SCNN1G: variants seen among roughly 807,000 people sequenced by gnomAD.
SCNN1G encodes the protein sodium channel epithelial 1 subunit gamma, also known as epithelial sodium channel subunit gamma.
A neutral mutation model predicts 64.6 loss-of-function variants in SCNN1G; 27 were observed. That is an observed-to-expected ratio of 0.42 (90% CI 0.31 to 0.58). The LOEUF (loss-of-function observed/expected upper bound fraction) is 0.58, where lower values mean the gene tolerates loss of function less well. Among genes scored for constraint, SCNN1G ranks in the 20% least tolerant of loss-of-function variants. The probability of loss-of-function intolerance (pLI) is 0.18; values close to 1 mark genes in which losing one functional copy is unlikely to be tolerated. For missense variants in SCNN1G, 743 were observed against 823.4 expected (o/e 0.90, Z 1.19); for synonymous variants, 330 against 314.2 (o/e 1.05, Z -0.53).
chr16:23,212,595 G>A (rs562199329), intron 8 of SCNN1G, 83 bp from the exon 9 acceptor site: 29 of 996,324 alleles, frequency 2.9e-5, no homozygotes, highest in African/African-American at 2.2e-4. Flanking sequence ...ATGAGACTGC[G>A]GGGCTGTCCT....
rs753122040 is a variant in SCNN1G, at chr16:23,186,635, A to C, written c.317+47A>C. 127 of 1,530,990 alleles carry C rather than the reference A, an allele frequency of 8.3e-5. No individual in the cohort carries two copies. In the Middle Eastern group the frequency reaches 1.0e-3, roughly 12 times the overall value. 94.8% of individuals were successfully genotyped at this position (1,530,990 alleles called of 1,614,324 possible). A position where few individuals can be genotyped will look rare whatever the true frequency, so the allele number is the denominator to read the frequency against. ...ACGCGAGTAGGGAGCCAGGCCCCCC[A>C]CAGAGGCCAAAGCCCCTCCCGAAAG... On this transcript the variant is annotated intron_variant, in intron 2 of 12. Transcript: ENST00000300061.
Position 23,186,231 on chromosome 16 carries a change from G to T in SCNN1G, c.-41G>T. ...CTTCTCTTCTTTGCCCCTCCAGCAC[G>T]CCCGTCCTCAGAGTCCCGTCCTCAA... is the stretch of plus-strand genomic sequence containing the variant. On this transcript the variant is annotated 5_prime_UTR_variant, in exon 2 of 13. Transcript: ENST00000300061. The T allele has an allele frequency of 6.2e-7, 1 of 1,604,612 alleles. No individual in the cohort carries two copies. The highest frequency in any genetic ancestry group is 8.5e-7 in the Non-Finnish European group (1 of 1,171,572).
chr16:23,199,070 A>G (rs1223053092), intron 6 of SCNN1G, among the ~76,000 whole-genome samples: 1 of 151,914 alleles, frequency 6.6e-6, no homozygotes, highest in African/African-American at 2.4e-5. Flanking sequence ...CACACCAACC[A>G]TACCAAGGAG....
Position 23,216,550 on chromosome 16 carries a change from A to G in SCNN1G, c.*1081A>G, listed in dbSNP as rs1444655297. Reference sequence around the variant, plus strand: ...GTTAGGTACTGTTTTAAGCACCTAGATAGGTTAGCATAGGGGACTGCAAAT... The same window carrying G: ...GTTAGGTACTGTTTTAAGCACCTAGGTAGGTTAGCATAGGGGACTGCAAAT... On this transcript the variant is annotated 3_prime_UTR_variant, in exon 13 of 13. Coordinates refer to ENST00000300061, the MANE Select transcript of SCNN1G (RefSeq NM_001039.4). 2 of 152,336 alleles carry G rather than the reference A, an allele frequency of 1.3e-5. No individual in the cohort carries two copies. The highest frequency in any genetic ancestry group is 2.9e-5 in the Non-Finnish European group (2 of 68,038). 9.4% of individuals were successfully genotyped at this position (152,336 alleles called of 1,614,324 possible).
At chr16:23,211,433 G>T (rs1423355729) in intron 7 of SCNN1G, among the ~76,000 whole-genome samples, 1 of 152,152 alleles carries the variant, frequency 6.6e-6, no homozygotes, top group Non-Finnish European at 1.5e-5. Context: ...ACTTATCTTT[G>T]TGTTGGCACC....
chr16:23,188,350 A>G (rs946988409), intron 2 of SCNN1G, among the ~76,000 whole-genome samples: 1 of 152,086 alleles, frequency 6.6e-6, no homozygotes, highest in Non-Finnish European at 1.5e-5. Flanking sequence ...CTCTAAAAAT[A>G]TTTTATTTTA....
chr16:23,194,324 T>C lies in SCNN1G; in HGVS notation c.913+50T>C, dbSNP rs13306665. On this transcript the variant is annotated intron_variant, in intron 5 of 12. Coordinates refer to ENST00000300061, the MANE Select transcript of SCNN1G (RefSeq NM_001039.4). ...TCTTGAGGCCCTCCAATAGTGGACA[T>C]GGGGGCAGCAGGACAGTGGGGATGC... 0.023 allele frequency: 29,988 copies of C among 1,280,854 alleles called. 514 individuals carry two copies. Among genetic ancestry groups the C allele is most frequent in the Non-Finnish European group, 0.023 (20,533 of 876,434 alleles). 79.3% of individuals were successfully genotyped at this position (1,280,854 alleles called of 1,614,324 possible).
chr16:23,188,083 C>T lies in SCNN1G; in HGVS notation c.318-1288C>T, dbSNP rs186744830. Reference sequence around the variant, plus strand: ...ATTATTTGTTCCATAATAATTTACTCAGCATCTATAAACTGTCATGCACTG... The same window carrying T: ...ATTATTTGTTCCATAATAATTTACTTAGCATCTATAAACTGTCATGCACTG... On this transcript the variant is annotated intron_variant, in intron 2 of 12. Transcript: ENST00000300061. 3.4e-3 allele frequency among the ~76,000 whole-genome samples: 525 copies of T among 152,264 alleles called. 4 individuals carry two copies. Among genetic ancestry groups the T allele is most frequent in the South Asian group, 0.024 (116 of 4,818 alleles).
chr16:23,206,536 G>C (rs1959993991), intron 6 of SCNN1G, among the ~76,000 whole-genome samples: 2 of 152,054 alleles, frequency 1.3e-5, no homozygotes, highest in African/African-American at 4.8e-5. Context: ...GATTACCTGA[G>C]CCCAGGAGGT....
chr16:23,209,692 A>G (rs1960047137), intron 6 of SCNN1G, 58 bp from the exon 7 acceptor site: 2 of 1,283,880 alleles, frequency 1.6e-6, no homozygotes, highest in African/African-American at 1.5e-5. Context: ...CTCCTTGCAA[A>G]GCCCCCGCCT....
intron 6 of SCNN1G, among the ~76,000 whole-genome samples, chr16:23,205,950 G>T (rs1377704096): frequency 6.6e-6 from 1 of 152,162 alleles, no homozygotes; most frequent in African/African-American, 2.4e-5. Context: ...TGCCCTCAGT[G>T]GCTGGGGGAG....
chr16:23,214,688 G>A, intron 11 of SCNN1G, 24 bp from the exon 12 acceptor site: 1 of 1,592,710 alleles, frequency 6.3e-7, no homozygotes, highest in South Asian at 1.1e-5. Flanking sequence ...CAAGGCTCTT[G>A]ATTCACCTGT....
In SCNN1G at chr16:23,191,661, A is replaced by G. The variant is rs553682217; in HGVS notation, c.619-691A>G. On this transcript the variant is annotated intron_variant, in intron 3 of 12. Coordinates refer to ENST00000300061, the MANE Select transcript of SCNN1G (RefSeq NM_001039.4). Reference sequence around the variant, plus strand: ...GGCTGGTCTCGAATTCCTGGCCTCAATCAGTCTTCCCACTACAACCTTCCA... The same window carrying G: ...GGCTGGTCTCGAATTCCTGGCCTCAGTCAGTCTTCCCACTACAACCTTCCA... 3.9e-5 allele frequency among the ~76,000 whole-genome samples: 6 copies of G among 152,242 alleles called. No homozygotes were observed. The South Asian group carries it at 1.2e-3, about 32-fold the overall frequency.
chr16:23,212,590 A>G, intron 8 of SCNN1G, 88 bp from the exon 9 acceptor site: 2 of 953,628 alleles, frequency 2.1e-6, no homozygotes, highest in Non-Finnish European at 3.5e-6. Flanking sequence ...TTAAAATGAG[A>G]CTGCGGGGCT....
intron 6 of SCNN1G, among the ~76,000 whole-genome samples, chr16:23,198,282 T>G (rs1273026211): frequency 6.6e-6 from 1 of 152,228 alleles, no homozygotes; most frequent in Non-Finnish European, 1.5e-5. Context: ...CGAGTCAGCC[T>G]TGCCCAATGG....
At chr16:23,205,021 C>A (rs1338181287) in intron 6 of SCNN1G, among the ~76,000 whole-genome samples, 1 of 152,146 alleles carries the variant, frequency 6.6e-6, no homozygotes, top group South Asian at 2.1e-4. Context: ...CCATGTTAGA[C>A]AGGCTGGTCT....
chr16:23,190,764 G>A (rs576729590), intron 3 of SCNN1G, among the ~76,000 whole-genome samples: 20 of 150,004 alleles, frequency 1.3e-4, no homozygotes, highest in East Asian at 3.9e-4. Context: ...ATCAATATTC[G>A]TGCAGTACTT....
At chr16:23,211,499 A>C (rs1188922270) in intron 7 of SCNN1G, among the ~76,000 whole-genome samples, 1 of 152,164 alleles carries the variant, frequency 6.6e-6, no homozygotes, top group Non-Finnish European at 1.5e-5. Flanking sequence ...CCCCATCTCC[A>C]TATCTCAGTT....
At chr16:23,206,614 C>G (rs1959995300) in intron 6 of SCNN1G, among the ~76,000 whole-genome samples, 2 of 152,086 alleles carry the variant, frequency 1.3e-5, no homozygotes, top group Admixed American at 1.3e-4. Flanking sequence ...GACCCTGTCT[C>G]AGAGAGAGAG....
Sources: allele counts gnomAD v4.1 joint callset (sites outside exome capture counted in the v4.1 genomes callset), GRCh38; gene constraint gnomAD v4.1.1; transcripts MANE v1.5; gene names NCBI Gene and HGNC (gene_info 2026-07-23, HGNC 2026-07-21).